RAD51B: variants seen among roughly 807,000 people sequenced by gnomAD.
RAD51B encodes DNA repair protein RAD51 homolog 2.
In RAD51B, 38 loss-of-function variants were observed where a neutral mutation model predicts 42.2. The ratio of observed to expected loss-of-function variants is 0.90; its 90% CI spans 0.70 to 1.18. The LOEUF is 1.18. Among genes scored for constraint, RAD51B ranks in the 50% most tolerant of loss-of-function variants. The pLI is 0.00. For synonymous variants in RAD51B, 154 were observed against 145.2 expected (o/e 1.06, Z -0.43); for missense variants, 373 against 400.7 (o/e 0.93, Z 0.59).
chr14:68,554,472 C>T (rs913430726), intron 10 of RAD51B, among the ~76,000 whole-genome samples: 5 of 152,152 alleles, frequency 3.3e-5, no homozygotes, highest in African/African-American at 1.2e-4. Context: ...ACTCCTCTCC[C>T]CCACATGCCG....
At chr14:67,992,353 C>T (rs1261433899) in intron 7 of RAD51B, among the ~76,000 whole-genome samples, 1 of 152,106 alleles carries the variant, frequency 6.6e-6, no homozygotes, top group Non-Finnish European at 1.5e-5. Context: ...ATTTTGACTC[C>T]ATATAAAGAA....
intron 10 of RAD51B, among the ~76,000 whole-genome samples, chr14:68,642,015 T>G (rs900161064): frequency 1.3e-5 from 2 of 152,208 alleles, no homozygotes; most frequent in African/African-American, 2.4e-5. Context: ...AATATTTTGT[T>G]GAGGATTTTT....
At chr14:68,087,148 A>G (rs1176754045) in intron 7 of RAD51B, among the ~76,000 whole-genome samples, 22 of 151,606 alleles carry the variant, frequency 1.5e-4, no homozygotes, top group South Asian at 4.2e-4. Flanking sequence ...AAAAAAAAAA[A>G]AGAGAGAGAG....
chr14:68,208,975 C>T (rs1319417045), intron 7 of RAD51B, among the ~76,000 whole-genome samples: 1 of 152,098 alleles, frequency 6.6e-6, no homozygotes, highest in Non-Finnish European at 1.5e-5. Context: ...CTGTGGAGAT[C>T]TTCGATAGTC....
intron 9 of RAD51B, among the ~76,000 whole-genome samples, chr14:68,419,729 G>A (rs1385661653): frequency 6.6e-6 from 1 of 152,166 alleles, no homozygotes; most frequent in South Asian, 2.1e-4. Flanking sequence ...AACCAACTTT[G>A]TCTGATCTTG....
At chr14:68,549,081 G>A (rs903254699) in intron 10 of RAD51B, among the ~76,000 whole-genome samples, 1 of 152,168 alleles carries the variant, frequency 6.6e-6, no homozygotes, top group Non-Finnish European at 1.5e-5. Context: ...CAGAGTGGGA[G>A]CTGAGGGTTT....
At chr14:68,308,121 TG>T (rs766754192) in intron 8 of RAD51B, among the ~76,000 whole-genome samples, 11 of 152,216 alleles carry the variant, frequency 7.2e-5, no homozygotes, top group Admixed American at 3.9e-4. Flanking sequence ...TTTCTCCTGT[TG>T]TTTTCTAAAT....
chr14:68,441,123 A>G (rs1350451427), intron 9 of RAD51B, among the ~76,000 whole-genome samples: 1 of 152,238 alleles, frequency 6.6e-6, no homozygotes, highest in Non-Finnish European at 1.5e-5. Flanking sequence ...TCAGTTTTGT[A>G]TGACATTGTT....
chr14:68,287,752 G>T (rs1327406148), intron 7 of RAD51B, among the ~76,000 whole-genome samples: 1 of 152,198 alleles, frequency 6.6e-6, no homozygotes, highest in Non-Finnish European at 1.5e-5. Flanking sequence ...AATCAGGCAT[G>T]GGTTTTATAG....
rs367568778 is a variant in RAD51B, at chr14:68,494,236, C to T, written c.1036+25986C>T. The stretch of plus-strand genomic sequence containing the variant: ...CAGAGGTTGTAGTGAGCTGAGGTCA[C>T]GCCATTGCACTCCAGCCTGGGCGAC... On this transcript the variant is annotated intron_variant, in intron 10 of 10. Coordinates refer to the RAD51B transcript ENST00000487270. Among the ~76,000 whole-genome samples, 6 of 149,910 alleles carry T rather than the reference C, an allele frequency of 4.0e-5. No homozygotes were observed. In the East Asian group the frequency reaches 9.8e-4, roughly 25 times the overall value.
intron 10 of RAD51B, among the ~76,000 whole-genome samples, chr14:68,555,366 C>T (rs1347657891): frequency 6.6e-6 from 1 of 152,228 alleles, no homozygotes; most frequent in Admixed American, 6.5e-5. Context: ...CACACTGGCT[C>T]TTAAGGAAGT....
chr14:68,300,759 T>G (rs902168023), intron 8 of RAD51B, among the ~76,000 whole-genome samples: 2 of 152,166 alleles, frequency 1.3e-5, no homozygotes, highest in Non-Finnish European at 2.9e-5. Flanking sequence ...TGGTGAGATA[T>G]GAGGCCTAAA....
chr14:67,873,893 A>T (rs1310114212), intron 5 of RAD51B, among the ~76,000 whole-genome samples: 1 of 136,466 alleles, frequency 7.3e-6, no homozygotes, highest in Non-Finnish European at 1.6e-5. Context: ...AACAATGAGA[A>T]CACATGGACA....
chr14:67,962,914 TATTC>T (rs1469233528), intron 7 of RAD51B, among the ~76,000 whole-genome samples: 1 of 152,172 alleles, frequency 6.6e-6, no homozygotes, highest in African/African-American at 2.4e-5. Flanking sequence ...TTATTAATCT[TATTC>T]ATAGCAACAA....
At chr14:68,102,321 C>T (rs925602828) in intron 7 of RAD51B, among the ~76,000 whole-genome samples, 36 of 152,192 alleles carry the variant, frequency 2.4e-4, no homozygotes, top group African/African-American at 8.0e-4. Context: ...TTGAATTTCT[C>T]CTCAGAAAAT....
intron 9 of RAD51B, among the ~76,000 whole-genome samples, chr14:68,439,800 G>A (rs1470430607): frequency 6.6e-6 from 1 of 152,206 alleles, no homozygotes; most frequent in African/African-American, 2.4e-5. Context: ...TGTCTCATGG[G>A]GGTTGGGGGT....
intron 7 of RAD51B, among the ~76,000 whole-genome samples, chr14:68,127,008 A>G (rs1263757801): frequency 4.6e-5 from 7 of 152,200 alleles, no homozygotes. Flanking sequence ...GCCACCTCAG[A>G]TACCACCTCC....
rs1393263966 is a variant in RAD51B at position 68,411,423 on chromosome 14, G to A, written c.854-1G>A. 1.2e-6 allele frequency: 2 copies of A among 1,613,768 alleles called. No homozygotes were observed. Among genetic ancestry groups the A allele is most frequent in the Admixed American group, 1.7e-5 (1 of 59,996 alleles). On this transcript the variant is annotated splice_acceptor_variant, in intron 8 of 10. Coordinates refer to ENST00000471583, the MANE Select transcript of RAD51B (RefSeq NM_133510.4). LOFTEE classifies it high-confidence loss of function. Reference sequence around the variant, plus strand: ...AGCGTGCTTTTACCATTTCATTTCAGGCACTTCTGGATCCAGCTGTGTGAT... The same window carrying A: ...AGCGTGCTTTTACCATTTCATTTCAAGCACTTCTGGATCCAGCTGTGTGAT...
chr14:68,484,368 T>C (rs2140269661), intron 10 of RAD51B, among the ~76,000 whole-genome samples: 1 of 150,198 alleles, frequency 6.7e-6, no homozygotes, highest in South Asian at 2.1e-4. Context: ...TCTTTTTTTT[T>C]TTTTTTTGAG....
Sources: allele counts gnomAD v4.1 joint callset (sites outside exome capture counted in the v4.1 genomes callset), GRCh38; gene constraint gnomAD v4.1.1; transcripts MANE v1.5; gene names NCBI Gene and HGNC (gene_info 2026-07-23, HGNC 2026-07-21).